IGSF9B: variants seen among roughly 807,000 people sequenced by gnomAD.
IGSF9B encodes the protein immunoglobulin superfamily member 9B.
IGSF9B carries 48 observed loss-of-function variants against 143.7 expected under a neutral mutation model. The ratio of observed to expected loss-of-function variants is 0.33; its 90% CI spans 0.26 to 0.42. IGSF9B has a LOEUF of 0.42. Among genes scored for constraint, IGSF9B ranks in the 20% least tolerant of loss-of-function variants. The pLI is 1.00. For missense variants in IGSF9B, 1,706 were observed against 1,980.0 expected (o/e 0.86, Z 2.63); for synonymous variants, 903 against 833.1 (o/e 1.08, Z -1.44).
intron 1 of IGSF9B, chr11:133,951,948 C>G: frequency 2.3e-6 from 1 of 429,176 alleles, no homozygotes; most frequent in Non-Finnish European, 4.8e-6. Flanking sequence ...ACAGTCTGTG[C>G]CTGTGTGCAA....
chr11:133,933,983 T>G (rs1454444249), intron 7 of IGSF9B, among the ~76,000 whole-genome samples: 2 of 81,512 alleles, frequency 2.5e-5, no homozygotes, highest in Non-Finnish European at 6.1e-5. Flanking sequence ...TATGGTAGAG[T>G]TTTTTTTTTT....
intron 16 of IGSF9B, 118 bp downstream of exon 16, chr11:133,922,451 C>T (rs1939558550): frequency 1.8e-6 from 2 of 1,107,456 alleles, no homozygotes. Flanking sequence ...CAGCTCTACC[C>T]ACAAGATCTC....
At chr11:133,952,653 CACAT>C (rs1940181930) in intron 1 of IGSF9B, among the ~76,000 whole-genome samples, 1 of 152,198 alleles carries the variant, frequency 6.6e-6, no homozygotes, top group African/African-American at 2.4e-5. Context: ...CATGTGCACA[CACAT>C]ACAGGTGTGC....
chr11:133,955,178 G>A (rs1362810543), intron 1 of IGSF9B, among the ~76,000 whole-genome samples: 2 of 152,116 alleles, frequency 1.3e-5, no homozygotes, highest in East Asian at 3.9e-4. Flanking sequence ...CAAGGAAATG[G>A]GGGAGAGGAT....
rs1939387512 is a variant in IGSF9B at position 133,916,645 on chromosome 11, A to C, written c.3983+3097T>G. Among the ~76,000 whole-genome samples the C allele has an allele frequency of 1.3e-5, 2 of 152,232 alleles. 1 individual carries two copies. Among genetic ancestry groups the C allele is most frequent in the East Asian group, 3.9e-4 (2 of 5,192 alleles). The stretch of plus-strand genomic sequence containing the variant: ...TTTCTGGGTTTGCCACAGCAGTGAA[A>C]GGAGAGCGGGCTTCTCTTGGATCTG... On this transcript the variant is annotated intron_variant, in intron 18 of 19. Coordinates refer to ENST00000533871, the MANE Select transcript of IGSF9B (RefSeq NM_001277285.4).
rs201329176 is a variant in IGSF9B at position 133,920,070 on chromosome 11, C to T, written c.3655G>A (p.Ala1219Thr). ...CCCGGGCGAGGCCGGGCACGGGCGG[C>T]GAGCTCAGGGGAGCCGGTGCGGGAG... is the stretch of plus-strand genomic sequence containing the variant. Reference protein sequence around the residue: ...LSSRTGSPELAARARPRPGLL... With the variant: ...LSSRTGSPELTARARPRPGLL... The change falls in exon 18 of 20, where the codon GCC becomes ACC. Residue 1219 changes from alanine to threonine, a missense_variant. This residue lies in a region of IGSF9B where 880 missense variants were observed against 762.9 expected (regional missense o/e 1.15). Coordinates refer to ENST00000533871, the MANE Select transcript of IGSF9B (RefSeq NM_001277285.4). 2,613 of 1,540,598 alleles carry T rather than the reference C, an allele frequency of 1.7e-3. 11 individuals carry two copies. Among genetic ancestry groups the T allele is most frequent in the Middle Eastern group, 6.4e-3 (36 of 5,636 alleles).
Position 133,919,850 on chromosome 11 carries a change from G to C in IGSF9B, c.3875C>G (p.Ala1292Gly). 3 of 1,584,754 alleles carry C rather than the reference G, an allele frequency of 1.9e-6. No homozygotes were observed. Among genetic ancestry groups the C allele is most frequent in the Non-Finnish European group, 2.6e-6 (3 of 1,165,202 alleles). ...YPSPPPGPAP[A>G]GPGDSLDVFG... ...CACGTCCAAGCTGTCCCCAGGCCCAGCAGGGGCGGGGCCGGGTGGAGGGGA... is the reference window on the plus strand; with the variant it reads ...CACGTCCAAGCTGTCCCCAGGCCCACCAGGGGCGGGGCCGGGTGGAGGGGA... The change falls in exon 18 of 20, where the codon GCT becomes GGT. Residue 1292 changes from alanine to glycine, a missense_variant. Physicochemically the swap from Ala to Gly is moderately conservative, Grantham distance 60 (BLOSUM62 0). Coordinates refer to ENST00000533871, the MANE Select transcript of IGSF9B (RefSeq NM_001277285.4).
chr11:133,936,336 T>C (rs1674062783), intron 5 of IGSF9B, 142 bp from the exon 6 acceptor site: 3 of 723,354 alleles, frequency 4.1e-6, no homozygotes, highest in Non-Finnish European at 6.9e-6. Context: ...CACTTCCAGA[T>C]GCTATCTGTG....
In IGSF9B at chr11:133,900,918, C is replaced by T. The variant is rs905537067; in HGVS notation, c.*8151G>A. The stretch of plus-strand genomic sequence containing the variant: ...TGCTACAAACCAAGACAGGTGTCAC[C>T]GTAGGTCCCTAGGTAGTCTCAACCA... On this transcript the variant is annotated 3_prime_UTR_variant, in exon 20 of 20. Coordinates refer to ENST00000533871, the MANE Select transcript of IGSF9B (RefSeq NM_001277285.4). The T allele has an allele frequency of 6.6e-6, 1 of 152,174 alleles. No homozygotes were observed. 9.4% of individuals were successfully genotyped at this position (152,174 alleles called of 1,614,324 possible).
chr11:133,952,931 A>C (rs1285851072), intron 1 of IGSF9B, among the ~76,000 whole-genome samples: 1 of 152,106 alleles, frequency 6.6e-6, no homozygotes, highest in Non-Finnish European at 1.5e-5. Context: ...ACCGCTCCCT[A>C]AGTACTCTGC....
Position 133,920,802 on chromosome 11 carries a change from G to C in IGSF9B, c.2923C>G (p.Pro975Ala). Residue 975 changes from proline (P) to alanine (A), a missense_variant, in exon 18 of 20, where the codon CCT (proline) becomes GCT (alanine). Pro to Ala is a conservative substitution (Grantham distance 27, BLOSUM62 -1). Around this residue, in one of 7 missense-constraint regions of IGSF9B, gnomAD observed 880 missense variants for 762.9 expected, o/e 1.15. Coordinates refer to ENST00000533871, the MANE Select transcript of IGSF9B (RefSeq NM_001277285.4). The stretch of plus-strand genomic sequence containing the variant: ...AACGGGGGCGGCTCCACCTCCCCAG[G>C]GCTGCTGCTGCTGAGGTACCCATAA... ...QYYGYLSSSSPGEVEPPPFYV... is the reference protein window; with the variant it reads ...QYYGYLSSSSAGEVEPPPFYV... 1 of 1,607,818 alleles carries C rather than the reference G, an allele frequency of 6.2e-7. No individual in the cohort carries two copies. The highest frequency in any genetic ancestry group is 8.5e-7 in the Non-Finnish European group (1 of 1,177,086).
chr11:133,945,683 C>A lies in IGSF9B; in HGVS notation c.262+378G>T, dbSNP rs1474891555. On this transcript the variant is annotated intron_variant, in intron 2 of 19. Coordinates refer to ENST00000533871, the MANE Select transcript of IGSF9B (RefSeq NM_001277285.4). The surrounding 1 kb of genome is among the most constrained non-coding windows in gnomAD (Gnocchi z 4.6). The stretch of plus-strand genomic sequence containing the variant: ...CCATACACTCAGGACGGGAAGGCGC[C>A]CCGACTTCAGAGCCAAGAGGAAAGG... Among the ~76,000 whole-genome samples the A allele has an allele frequency of 6.6e-6, 1 of 152,144 alleles. No individual in the cohort carries two copies. Among genetic ancestry groups the A allele is most frequent in the Non-Finnish European group, 1.5e-5 (1 of 68,028 alleles).
In IGSF9B at chr11:133,944,599, G is replaced by T. The variant is rs576731450; in HGVS notation, c.263-233C>A. Among the ~76,000 whole-genome samples, 136 of 152,316 alleles carry T rather than the reference G, an allele frequency of 8.9e-4. 1 individual carries two copies. The highest frequency in any genetic ancestry group is 8.9e-3 in the Admixed American group (136 of 15,306). ...GCCCCAGCTGGCCCTGCCCCAGCCT[G>T]CAAGGCAACTCAATGCACTTGGCAT... On this transcript the variant is annotated intron_variant, in intron 2 of 19. Transcript: ENST00000533871.
At position 133,928,233 on chromosome 11, in the gene IGSF9B, C is replaced by G. The variant is rs1221854880; in HGVS notation, c.1632-1142G>C. Among the ~76,000 whole-genome samples the G allele has an allele frequency of 6.6e-6, 1 of 152,148 alleles. No individual in the cohort carries two copies. The highest frequency in any genetic ancestry group is 6.5e-5 in the Admixed American group (1 of 15,282). On this transcript the variant is annotated intron_variant, in intron 12 of 19. Coordinates refer to ENST00000533871, the MANE Select transcript of IGSF9B (RefSeq NM_001277285.4). This position sits in a 1 kb window ranked among gnomAD's most constrained non-coding sequence, Gnocchi z 4.7. ...AAATGTCCCACCCTGGACACCTAGG[C>G]GCTGAGCAGCACCGGTCTCCCAGCA...
chr11:133,925,685 T>A, intron 14 of IGSF9B, 54 bp downstream of exon 14: 13 of 1,492,492 alleles, frequency 8.7e-6, no homozygotes, highest in Non-Finnish European at 1.1e-5. Context: ...GCCTCTAGAG[T>A]CTTGTCGCTT....
rs557249021 is a variant in IGSF9B, at chr11:133,941,773, C to T, written c.409+2447G>A. Among the ~76,000 whole-genome samples, 252 of 152,318 alleles carry T rather than the reference C, an allele frequency of 1.7e-3. 1 individual carries two copies. The highest frequency in any genetic ancestry group is 5.7e-3 in the African/African-American group (237 of 41,570). On this transcript the variant is annotated intron_variant, in intron 3 of 19. Transcript: ENST00000533871. ...ACAGCCTACCCGTGTTCCCTGAATG[C>T]GCCGCTCTCCTCGCTCTGGGCTTCC...
intron 15 of IGSF9B, 43 bp from the exon 16 acceptor site, chr11:133,922,773 G>C (rs186641168): frequency 1.3e-6 from 2 of 1,513,996 alleles, no homozygotes; most frequent in Non-Finnish European, 1.8e-6. Context: ...ATCCTTCCCC[G>C]GGACCTCACC....
At position 133,921,471 on chromosome 11, in the gene IGSF9B, C is replaced by T. The variant is rs940161322; in HGVS notation, c.2328-74G>A. 18 of 1,169,022 alleles carry T rather than the reference C, an allele frequency of 1.5e-5. No individual in the cohort carries two copies. The South Asian group carries it at 2.1e-4, about 14-fold the overall frequency. 72.4% of individuals were successfully genotyped at this position (1,169,022 alleles called of 1,614,324 possible). A position where few individuals can be genotyped will look rare whatever the true frequency, so the allele number is the denominator to read the frequency against. On this transcript the variant is annotated intron_variant, in intron 17 of 19. Transcript: ENST00000533871. ...TGGCCAGGACTTCCTTTCCCTCTCTCGGCAACCACCCAGCACCCAGGATCC... is the reference window on the plus strand; with the variant it reads ...TGGCCAGGACTTCCTTTCCCTCTCTTGGCAACCACCCAGCACCCAGGATCC...
rs59414581 is a variant in IGSF9B, at chr11:133,948,617, CTGTG to C, written c.65-2363_65-2360del. ...TGGGTGCCATGAGTTTGCAGAGAAG[CTGTG>C]TGTGTGTGTGTGTGTGTGTGTGTGT... On this transcript the variant is annotated intron_variant, in intron 1 of 19. Coordinates refer to ENST00000533871, the MANE Select transcript of IGSF9B (RefSeq NM_001277285.4). This position sits in a 1 kb window ranked among gnomAD's most constrained non-coding sequence, Gnocchi z 4.7. 0.32 allele frequency among the ~76,000 whole-genome samples: 45,292 copies of C among 140,650 alleles called. 7,332 individuals carry two copies. The highest frequency in any genetic ancestry group is 0.6 in the East Asian group (2,701 of 4,520). The allele number at this position is 140,650 out of a possible 152,430, so 92.3% of individuals were successfully genotyped here. A position where few individuals can be genotyped will look rare whatever the true frequency, so the allele number is the denominator to read the frequency against.
Sources: allele counts gnomAD v4.1 joint callset (sites outside exome capture counted in the v4.1 genomes callset), GRCh38; gene constraint gnomAD v4.1.1; regional missense constraint gnomAD v4.1.1; non-coding constraint Gnocchi (gnomAD v3.1); transcripts MANE v1.5; gene names NCBI Gene and HGNC (gene_info 2026-07-23, HGNC 2026-07-21).